GDAP2: variants seen among roughly 807,000 people sequenced by gnomAD.
GDAP2 encodes the protein ganglioside-induced differentiation-associated protein 2.
In GDAP2, 51 loss-of-function variants were observed where a neutral mutation model predicts 67.0. That is an observed-to-expected ratio of 0.76 (90% CI 0.61 to 0.96). GDAP2 has a LOEUF of 0.96. GDAP2 is among the 40% of genes least tolerant of loss of function. The probability of loss-of-function intolerance (pLI) is 0.00; values close to 1 mark genes in which losing one functional copy is unlikely to be tolerated. For missense variants in GDAP2, 547 were observed against 588.3 expected (o/e 0.93, Z 0.73); for synonymous variants, 203 against 207.3 (o/e 0.98, Z 0.18).
chr1:117,886,870 A>C lies in GDAP2; in HGVS notation c.1031-217T>G, dbSNP rs536742900. Among the ~76,000 whole-genome samples, 3 of 152,270 alleles carry C rather than the reference A, an allele frequency of 2.0e-5. No individual in the cohort carries two copies. The South Asian group carries it at 6.2e-4, about 32-fold the overall frequency. ...GGGTTTTGATCACTGCCCTTTTAAG[A>C]GAAGACCTCTTAAAGATTTTAAATC... On this transcript the variant is annotated intron_variant, in intron 9 of 13. Transcript: ENST00000369443.
chr1:117,904,614 T>C (rs570385199), intron 6 of GDAP2, among the ~76,000 whole-genome samples: 4 of 152,340 alleles, frequency 2.6e-5, no homozygotes, highest in East Asian at 3.9e-4. Flanking sequence ...TCTCTGTTCC[T>C]CTAAATCTGG....
intron 6 of GDAP2, among the ~76,000 whole-genome samples, chr1:117,901,119 G>A (rs1194237870): frequency 6.6e-6 from 1 of 152,066 alleles, no homozygotes; most frequent in African/African-American, 2.4e-5. Context: ...TTTGTGTCTG[G>A]TTTCTTTCAT....
At chr1:117,879,542 C>T (rs776777359) in intron 12 of GDAP2, among the ~76,000 whole-genome samples, 6 of 152,024 alleles carry the variant, frequency 3.9e-5, no homozygotes, top group African/African-American at 9.7e-5. Context: ...ACTTATTATA[C>T]GTCAGGTAAT....
chr1:117,928,613 T>G (rs1475263812), intron 1 of GDAP2, among the ~76,000 whole-genome samples: 5 of 152,242 alleles, frequency 3.3e-5, no homozygotes, highest in Non-Finnish European at 7.3e-5. Context: ...ATCATACGCA[T>G]TCTTTGCTAT....
chr1:117,870,528 AG>A lies in GDAP2; in HGVS notation c.*40del. 8.0e-7 allele frequency: 1 copy of A among 1,253,616 alleles called. No individual in the cohort carries two copies. The highest frequency in any genetic ancestry group is 1.2e-6 in the Non-Finnish European group (1 of 850,936). 77.7% of individuals were successfully genotyped at this position (1,253,616 alleles called of 1,614,324 possible). A position where few individuals can be genotyped will look rare whatever the true frequency, so the allele number is the denominator to read the frequency against. On this transcript the variant is annotated 3_prime_UTR_variant, in exon 14 of 14. Transcript: ENST00000369443. ...TCAACAGGTAGCTATTCGTGGAGGA[AG>A]TGGCATCCTGGGAACCAAGAAGCAC...
At chr1:117,906,611 A>G (rs1649668571) in intron 5 of GDAP2, 29 bp from the exon 6 acceptor site, 1 of 1,177,992 alleles carries the variant, frequency 8.5e-7, no homozygotes, top group Non-Finnish European at 1.2e-6. Flanking sequence ...AGATTACTCA[A>G]TAAATAAAAA....
At chr1:117,891,868 C>G (rs1468250189) in intron 8 of GDAP2, among the ~76,000 whole-genome samples, 7 of 152,042 alleles carry the variant, frequency 4.6e-5, no homozygotes, top group African/African-American at 7.2e-5. Flanking sequence ...AAATTTAAGT[C>G]CTTAATCTAT....
At chr1:117,905,132 C>T (rs962082399) in intron 6 of GDAP2, among the ~76,000 whole-genome samples, 1 of 152,202 alleles carries the variant, frequency 6.6e-6, no homozygotes, top group Non-Finnish European at 1.5e-5. Context: ...ATGTGGAGTA[C>T]TGCAACCACC....
At chr1:117,903,943 A>G (rs1649570345) in intron 6 of GDAP2, among the ~76,000 whole-genome samples, 2 of 151,724 alleles carry the variant, frequency 1.3e-5, no homozygotes, top group Admixed American at 1.3e-4. Context: ...ACAATATTCT[A>G]GGTTATCTTT....
At chr1:117,873,668 G>C (rs1158543154) in intron 13 of GDAP2, among the ~76,000 whole-genome samples, 5 of 152,148 alleles carry the variant, frequency 3.3e-5, no homozygotes, top group Non-Finnish European at 5.9e-5. Context: ...ACTGAACACA[G>C]TACCTGTCCT....
chr1:117,889,158 C>T (rs1431295299), intron 8 of GDAP2, among the ~76,000 whole-genome samples: 1 of 150,732 alleles, frequency 6.6e-6, no homozygotes, highest in Non-Finnish European at 1.5e-5. Context: ...TATTTTCATA[C>T]AGTCATTTCC....
chr1:117,911,217 T>C (rs1477375090), intron 5 of GDAP2, among the ~76,000 whole-genome samples: 1 of 152,196 alleles, frequency 6.6e-6, no homozygotes, highest in Non-Finnish European at 1.5e-5. Flanking sequence ...AATCTGCATA[T>C]ATACAGTGAG....
chr1:117,893,623 C>T (rs893694362), intron 8 of GDAP2, among the ~76,000 whole-genome samples: 1 of 152,028 alleles, frequency 6.6e-6, no homozygotes, highest in African/African-American at 2.4e-5. Context: ...AATAAAAGCC[C>T]GATTTAGAAA....
intron 3 of GDAP2, among the ~76,000 whole-genome samples, chr1:117,914,223 A>C (rs1160514592): frequency 1.3e-5 from 2 of 152,196 alleles, no homozygotes; most frequent in African/African-American, 2.4e-5. Flanking sequence ...GACTAAACAC[A>C]TGCTCAAGAA....
intron 8 of GDAP2, among the ~76,000 whole-genome samples, chr1:117,896,403 T>C (rs1183405272): frequency 2.0e-5 from 3 of 152,202 alleles, no homozygotes; most frequent in African/African-American, 4.8e-5. Context: ...GGATGTCTTG[T>C]AAGGTCCTTC....
At chr1:117,895,994 T>C (rs528439268) in intron 8 of GDAP2, among the ~76,000 whole-genome samples, 76 of 152,298 alleles carry the variant, frequency 5.0e-4, no homozygotes, top group African/African-American at 1.7e-3. Flanking sequence ...TTTTGAAATC[T>C]GGACAGAAAT....
chr1:117,911,865 T>C (rs952272655), intron 5 of GDAP2, 129 bp downstream of exon 5: 5 of 603,830 alleles, frequency 8.3e-6, no homozygotes, highest in Middle Eastern at 4.3e-4. Context: ...AGCCTTAAAC[T>C]TCTGTCCTCA....
rs1649287604 is a variant in GDAP2, at chr1:117,896,976, C to T, written c.810G>A (p.Glu270=). The change falls in exon 8 of 14, where the codon GAG becomes GAA. Residue 270 remains glutamate, a synonymous_variant. Coordinates refer to ENST00000369443, the MANE Select transcript of GDAP2 (RefSeq NM_017686.4). ...GATCAACTCCCAAGCCTTCATCCTC[C>T]TCTTCTTGGTTATCTGTAACAAAAA... The part of the protein sequence containing the change: ...KPGAPEDNQE[E]EDEGLGVDLS... 1 of 1,603,966 alleles carries T rather than the reference C, an allele frequency of 6.2e-7. No homozygotes were observed. Among genetic ancestry groups the T allele is most frequent in the Non-Finnish European group, 8.5e-7 (1 of 1,174,666 alleles).
chr1:117,924,856 T>C (rs915274480), intron 1 of GDAP2, among the ~76,000 whole-genome samples: 2 of 152,214 alleles, frequency 1.3e-5, no homozygotes, highest in Admixed American at 6.5e-5. Context: ...AGACTTGAAA[T>C]AGACAAGCTG....
Sources: gnomAD v4.1 joint callset for allele counts (sites outside exome capture counted in the v4.1 genomes callset) on GRCh38, gnomAD v4.1.1 for gene constraint, MANE v1.5 for transcripts, NCBI Gene and HGNC (gene_info 2026-07-23, HGNC 2026-07-21) for gene names.